The following SH2D4B variants were observed in gnomAD, a reference collection of about 807,000 sequenced individuals.
The protein encoded by SH2D4B is SH2 domain containing 4B.
A neutral mutation model predicts 61.5 loss-of-function variants in SH2D4B; 45 were observed. The observed-to-expected ratio is 0.73, with a 90% CI of 0.58 to 0.94. SH2D4B has a LOEUF of 0.94. Ranked by LOEUF, SH2D4B falls within the 40% of genes least tolerant of loss-of-function variation. The pLI is 0.00. For synonymous variants in SH2D4B, 224 were observed against 220.4 expected (o/e 1.02, Z -0.14); for missense variants, 572 against 574.2 (o/e 1.00, Z 0.04).
chr10:80,577,423 A>C (rs1319197976), intron 3 of SH2D4B, among the ~76,000 whole-genome samples: 1 of 146,538 alleles, frequency 6.8e-6, no homozygotes, highest in African/African-American at 2.6e-5. Context: ...AGACCACTGA[A>C]TTTTCTGTTT....
chr10:80,584,539 C>T (rs957702115), intron 3 of SH2D4B, among the ~76,000 whole-genome samples: 1 of 152,132 alleles, frequency 6.6e-6, no homozygotes, highest in Non-Finnish European at 1.5e-5. Context: ...ATTTAAGTTA[C>T]CTTTAATAGC....
chr10:80,593,494 G>C (rs1272279705), intron 4 of SH2D4B, among the ~76,000 whole-genome samples: 2 of 152,100 alleles, frequency 1.3e-5, no homozygotes. Context: ...TTCATTTTTG[G>C]ATTGTTTATT....
intron 3 of SH2D4B, 110 bp downstream of exon 3, chr10:80,571,688 CT>C: frequency 1.6e-6 from 2 of 1,234,926 alleles, no homozygotes; most frequent in Non-Finnish European, 2.2e-6. Context: ...GTACTGGGTG[CT>C]TTATGAGAAT....
At chr10:80,553,119 T>C (rs1416201832) in intron 1 of SH2D4B, among the ~76,000 whole-genome samples, 4 of 152,208 alleles carry the variant, frequency 2.6e-5, no homozygotes, top group African/African-American at 9.7e-5. Context: ...GGTTTCACCA[T>C]GTTGGCCAGG....
intron 2 of SH2D4B, 97 bp downstream of exon 2, chr10:80,570,413 T>G: frequency 7.2e-6 from 10 of 1,387,146 alleles, no homozygotes; most frequent in Non-Finnish European, 9.7e-6. Flanking sequence ...AGAGATGGAG[T>G]TCCATCATGT....
chr10:80,570,838 T>C (rs1842033101), intron 2 of SH2D4B, among the ~76,000 whole-genome samples: 1 of 152,146 alleles, frequency 6.6e-6, no homozygotes, highest in Admixed American at 6.6e-5. Context: ...TTTACATGCA[T>C]CTTTGTTTTA....
At chr10:80,608,599 G>A (rs1417561997) in intron 5 of SH2D4B, among the ~76,000 whole-genome samples, 2 of 152,070 alleles carry the variant, frequency 1.3e-5, no homozygotes, top group African/African-American at 4.8e-5. Flanking sequence ...GTTCAGACAC[G>A]AAAGCAATGA....
rs1489598291 is a variant in SH2D4B at position 80,570,323 on chromosome 10, G to A, written c.347+7G>A. 6.2e-7 allele frequency: 1 copy of A among 1,612,018 alleles called. No homozygotes were observed. Among genetic ancestry groups the A allele is most frequent in the East Asian group, 2.2e-5 (1 of 44,858 alleles). On this transcript the variant is annotated splice_region_variant and intron_variant, in intron 2 of 7. Transcript: ENST00000646907. ...GGGAAGCTGAGGAGCTCTGGTGAGG[G>A]GTGCTATGGGGTGTTGGGTGGGGCC...
At chr10:80,540,866 T>A in intron 1 of SH2D4B, 1 of 1,551,536 alleles carries the variant, frequency 6.4e-7, no homozygotes, top group Non-Finnish European at 8.7e-7. Flanking sequence ...GGGGACGGGC[T>A]CCACGGAGGA....
intron 3 of SH2D4B, 118 bp from the exon 4 acceptor site, chr10:80,588,512 G>T: frequency 7.6e-7 from 1 of 1,314,062 alleles, no homozygotes; most frequent in East Asian, 2.3e-5. Context: ...GACTGAGGCT[G>T]GAGAGGCCAC....
intron 4 of SH2D4B, among the ~76,000 whole-genome samples, chr10:80,600,224 C>T (rs898714224): frequency 4.6e-5 from 7 of 152,218 alleles, no homozygotes; most frequent in Non-Finnish European, 7.3e-5. Flanking sequence ...CAATTCAAAT[C>T]TTTACTGATT....
intron 1 of SH2D4B, among the ~76,000 whole-genome samples, chr10:80,540,079 T>C (rs1841558106): frequency 6.6e-6 from 1 of 152,156 alleles, no homozygotes; most frequent in Admixed American, 6.5e-5. Flanking sequence ...TATACAGAGA[T>C]TTGTCACACA....
chr10:80,558,382 T>G (rs565936516), intron 1 of SH2D4B, among the ~76,000 whole-genome samples: 1 of 152,352 alleles, frequency 6.6e-6, no homozygotes, highest in African/African-American at 2.4e-5. Flanking sequence ...TTCTATAGCT[T>G]AATTTTTCCT....
intron 3 of SH2D4B, among the ~76,000 whole-genome samples, chr10:80,572,689 G>C (rs916288686): frequency 6.6e-6 from 1 of 151,286 alleles, no homozygotes. Context: ...GCGTGATCTC[G>C]GTTCACTGCA....
intron 6 of SH2D4B, among the ~76,000 whole-genome samples, chr10:80,628,220 A>C (rs529960498): frequency 6.6e-6 from 1 of 152,158 alleles, no homozygotes; most frequent in South Asian, 2.1e-4. Flanking sequence ...TCCCCACCCA[A>C]ATTTCATCTT....
chr10:80,538,093 CAG>C lies in SH2D4B; in HGVS notation c.-236_-235del, dbSNP rs1841528652. The C allele has an allele frequency of 3.6e-6, 1 of 279,424 alleles. No homozygotes were observed. Among genetic ancestry groups the C allele is most frequent in the Admixed American group, 5.3e-5 (1 of 18,806 alleles). The allele number at this position is 279,424 out of a possible 1,614,324, so 17.3% of individuals were successfully genotyped here. A position where few individuals can be genotyped will look rare whatever the true frequency, so the allele number is the denominator to read the frequency against. ...TGCTCCTGGTGGTTGCTCCCCCTTG[CAG>C]AGTCCCACCTGCCCCTTTGGGTCCT... On this transcript the variant is annotated 5_prime_UTR_variant, in exon 1 of 8. It removes the in-frame stop codon of an upstream open reading frame in the 5' UTR. Transcript: ENST00000646907. The surrounding 1 kb of genome is among the most constrained non-coding windows in gnomAD (Gnocchi z 4.8).
At chr10:80,550,355 A>G (rs939236484) in intron 1 of SH2D4B, among the ~76,000 whole-genome samples, 6 of 152,268 alleles carry the variant, frequency 3.9e-5, no homozygotes, top group Non-Finnish European at 8.8e-5. Context: ...GCACTTTGGG[A>G]GGCTGAGGTG....
Sources: gnomAD v4.1 joint callset for allele counts (sites outside exome capture counted in the v4.1 genomes callset) on GRCh38, gnomAD v4.1.1 for gene constraint, Gnocchi (gnomAD v3.1) non-coding constraint, MANE v1.5 for transcripts, NCBI Gene and HGNC (gene_info 2026-07-23, HGNC 2026-07-21) for gene names.